GNG4: variants seen among roughly 807,000 people sequenced by gnomAD.
The protein encoded by GNG4 is G protein subunit gamma 4.
Under a neutral mutation model 5.8 loss-of-function variants are expected in GNG4, and 4 were observed. That is an observed-to-expected ratio of 0.69 (90% CI 0.34 to 1.57). The LOEUF (loss-of-function observed/expected upper bound fraction) is 1.57. Ranked by LOEUF, GNG4 falls within the 40% of genes most tolerant of loss-of-function variation. GNG4 has a pLI of 0.06. For synonymous variants in GNG4, 29 were observed against 32.9 expected (o/e 0.88, Z 0.41); for missense variants, 96 against 95.1 (o/e 1.01, Z -0.04).
At chr1:235,616,097 G>A (rs769070498) in intron 1 of GNG4, 40 of 440,460 alleles carry the variant, frequency 9.1e-5, no homozygotes, top group Non-Finnish European at 1.5e-4. Flanking sequence ...CCTGCTTAGC[G>A]CTAGGAGGAC....
chr1:235,621,031 C>G (rs2102976382), intron 1 of GNG4, among the ~76,000 whole-genome samples: 1 of 152,172 alleles, frequency 6.6e-6, no homozygotes, highest in East Asian at 1.9e-4. Context: ...CTCACCTAGT[C>G]ACTGGCAGGC....
chr1:235,625,668 T>C (rs1244772675), intron 1 of GNG4, among the ~76,000 whole-genome samples: 1 of 152,236 alleles, frequency 6.6e-6, no homozygotes, highest in Non-Finnish European at 1.5e-5. Flanking sequence ...CAGGATGTCA[T>C]ATAGTGGGAA....
chr1:235,585,165 C>T (rs1248868024), intron 2 of GNG4, among the ~76,000 whole-genome samples: 1 of 151,902 alleles, frequency 6.6e-6, no homozygotes, highest in African/African-American at 2.4e-5. Context: ...TCCTTCCCAT[C>T]ACGTTGGACT....
rs370456411 is a variant in GNG4 at position 235,625,489 on chromosome 1, C to T, written c.-123+24173G>A. Among the ~76,000 whole-genome samples the T allele has an allele frequency of 1.5e-4, 23 of 152,316 alleles. No individual in the cohort carries two copies. The South Asian group carries it at 4.8e-3, about 32-fold the overall frequency. On this transcript the variant is annotated intron_variant, in intron 1 of 3. Transcript: ENST00000391854. Reference sequence around the variant, plus strand: ...GGGCTCACTCTTGGCACTGCACATTCTATGGGCTTTGACAGATGTCTAATG... The same window carrying T: ...GGGCTCACTCTTGGCACTGCACATTTTATGGGCTTTGACAGATGTCTAATG...
In GNG4 at chr1:235,590,453, G is replaced by GAA. The variant is rs202077233; in HGVS notation, c.-11+4945_-11+4946dup. ...CTGGGTGACAGAGTGAGACTGTCTG[G>GAA]AAAAAAAAAGAAGGTGGAGAGGTAA... On this transcript the variant is annotated intron_variant, in intron 2 of 3. Transcript: ENST00000391854. Among the ~76,000 whole-genome samples the GAA allele has an allele frequency of 4.2e-3, 629 of 150,246 alleles. 3 individuals carry two copies. Among genetic ancestry groups the GAA allele is most frequent in the African/African-American group, 0.015 (610 of 40,908 alleles).
At chr1:235,622,310 T>A (rs1688726909) in intron 1 of GNG4, among the ~76,000 whole-genome samples, 1 of 152,186 alleles carries the variant, frequency 6.6e-6, no homozygotes, top group Non-Finnish European at 1.5e-5. Context: ...GAGACGTGAG[T>A]AGTGGTATGA....
chr1:235,569,815 C>T (rs1351687571), intron 3 of GNG4, among the ~76,000 whole-genome samples: 1 of 152,124 alleles, frequency 6.6e-6, no homozygotes, highest in Non-Finnish European at 1.5e-5. Flanking sequence ...ATCCGTCCGC[C>T]TCGGCCTCCC....
intron 3 of GNG4, among the ~76,000 whole-genome samples, chr1:235,560,617 G>A (rs1472751364): frequency 6.6e-6 from 1 of 152,208 alleles, no homozygotes. Context: ...GTAGGACAGA[G>A]AAGATACTTG....
At chr1:235,634,473 C>T (rs1461889802) in intron 1 of GNG4, among the ~76,000 whole-genome samples, 4 of 152,106 alleles carry the variant, frequency 2.6e-5, no homozygotes, top group Admixed American at 6.6e-5. Context: ...TTCTATCAAC[C>T]GAGGGTCTGG....
chr1:235,590,663 C>T (rs893152617), intron 2 of GNG4, among the ~76,000 whole-genome samples: 2 of 152,088 alleles, frequency 1.3e-5, no homozygotes, highest in East Asian at 1.9e-4. Flanking sequence ...GATCCTTAAG[C>T]GATTTCATGT....
intron 3 of GNG4, among the ~76,000 whole-genome samples, chr1:235,564,830 C>T (rs574193545): frequency 1.3e-5 from 2 of 152,126 alleles, no homozygotes; most frequent in South Asian, 2.1e-4. Flanking sequence ...GGACCACAGG[C>T]GTGTGCCTCC....
intron 1 of GNG4, among the ~76,000 whole-genome samples, chr1:235,636,507 C>T (rs1367809506): frequency 6.6e-6 from 1 of 152,148 alleles, no homozygotes; most frequent in Non-Finnish European, 1.5e-5. Context: ...GCAGTGCCTG[C>T]AGCAAGCCAC....
chr1:235,562,721 T>C (rs910349774), intron 3 of GNG4, among the ~76,000 whole-genome samples: 1 of 150,002 alleles, frequency 6.7e-6, no homozygotes, highest in African/African-American at 2.4e-5. Context: ...TGGGATCACA[T>C]TGAATCTACA....
In GNG4 at chr1:235,576,707, G is replaced by A. The variant is rs183925425; in HGVS notation, c.99+7033C>T. The stretch of plus-strand genomic sequence containing the variant: ...AGATGAAGAGTCACATGGAGTGGGG[G>A]TGGTAATTTGGGAGAAGGGCCAAGT... On this transcript the variant is annotated intron_variant, in intron 3 of 3. Transcript: ENST00000391854. 1.1e-3 allele frequency among the ~76,000 whole-genome samples: 166 copies of A among 152,270 alleles called. 2 individuals are homozygous for A. The highest frequency in any genetic ancestry group is 3.5e-3 in the Admixed American group (53 of 15,292).
chr1:235,571,620 C>G (rs963111089), intron 3 of GNG4, among the ~76,000 whole-genome samples: 5 of 152,128 alleles, frequency 3.3e-5, no homozygotes, highest in Non-Finnish European at 5.9e-5. Context: ...TTGATATTGA[C>G]TCAAACACTT....
At chr1:235,572,391 G>C (rs1480779869) in intron 3 of GNG4, among the ~76,000 whole-genome samples, 1 of 152,060 alleles carries the variant, frequency 6.6e-6, no homozygotes, top group African/African-American at 2.4e-5. Flanking sequence ...GTAGAGACGG[G>C]GTTTCACCAT....
chr1:235,559,472 C>T (rs1168439889), intron 3 of GNG4, among the ~76,000 whole-genome samples: 2 of 152,096 alleles, frequency 1.3e-5, no homozygotes, highest in African/African-American at 4.8e-5. Context: ...GACCCACACA[C>T]CAGTTCCTAA....
At position 235,644,222 on chromosome 1, in the gene GNG4, C is replaced by G. The variant is rs1657436855; in HGVS notation, c.-123+5440G>C. Among the ~76,000 whole-genome samples the G allele has an allele frequency of 6.6e-6, 1 of 152,214 alleles. No homozygotes were observed. Among genetic ancestry groups the G allele is most frequent in the South Asian group, 2.1e-4 (1 of 4,828 alleles). On this transcript the variant is annotated intron_variant, in intron 1 of 3. Transcript: ENST00000391854. This position sits in a 1 kb window ranked among gnomAD's most constrained non-coding sequence, Gnocchi z 5.9. ...CTGTCTCCATCAGATAAAATTCAGC[C>G]ACAGCGGGAGGGAGCGTGTGAGACC...
At chr1:235,554,820 G>A (rs569827241) in intron 3 of GNG4, among the ~76,000 whole-genome samples, 1 of 143,328 alleles carries the variant, frequency 7.0e-6, no homozygotes, top group Non-Finnish European at 1.5e-5. Flanking sequence ...ACTCCAGTCT[G>A]GGCAACAAGA....
Sources: allele counts gnomAD v4.1 joint callset (sites outside exome capture counted in the v4.1 genomes callset), GRCh38; gene constraint gnomAD v4.1.1; non-coding constraint Gnocchi (gnomAD v3.1); transcripts MANE v1.5; gene names NCBI Gene and HGNC (gene_info 2026-07-23, HGNC 2026-07-21).